NFATC2: variants seen among roughly 807,000 people sequenced by gnomAD.
The protein encoded by NFATC2 is nuclear factor of activated T cells 2.
NFATC2 carries 22 observed loss-of-function variants against 87.3 expected under a neutral mutation model. The observed-to-expected ratio is 0.25, with a 90% CI of 0.18 to 0.36. The LOEUF (loss-of-function observed/expected upper bound fraction) is 0.36, where lower values mean the gene tolerates loss of function less well. NFATC2 is among the 10% of genes least tolerant of loss of function. The pLI, the probability that NFATC2 is intolerant of heterozygous loss-of-function variation, is 1.00. For synonymous variants in NFATC2, 565 were observed against 542.2 expected, an observed-to-expected ratio of 1.04 and a Z score of -0.58; for missense variants, 1,149 against 1,259.1, an observed-to-expected ratio of 0.91 and a Z score of 1.32.
chr20:51,475,696 G>T, intron 3 of NFATC2, 36 bp from the exon 4 acceptor site: 1 of 1,605,068 alleles, frequency 6.2e-7, no homozygotes, highest in Non-Finnish European at 8.5e-7. Flanking sequence ...TAAGGTGCGG[G>T]GTGTGGTGGC....
At chr20:51,543,133 G>A (rs369188591), upstream of NFATC2, among the ~76,000 whole-genome samples, 4 of 152,272 alleles carry the variant, frequency 2.6e-5, no homozygotes, top group African/African-American at 7.2e-5. Context: ...GTGCCCACGG[G>A]GGCGGCATGA....
Position 51,512,352 on chromosome 20 carries a change from C to T in NFATC2, c.1332+4432G>A, listed in dbSNP as rs6021261. Among the ~76,000 whole-genome samples the T allele has an allele frequency of 1.7e-3, 252 of 152,234 alleles. 2 individuals are homozygous for T. The highest frequency in any genetic ancestry group is 5.8e-3 in the African/African-American group (241 of 41,530). On this transcript the variant is annotated intron_variant, in intron 3 of 10. Transcript: ENST00000371564. ...TCCCCTCCAAGTGGCCGCCATCTGG[C>T]CTCTCAGGCCTCCCTGACCAACTCA... is the stretch of plus-strand genomic sequence containing the variant.
intron 5 of NFATC2, among the ~76,000 whole-genome samples, chr20:51,470,657 A>G (rs955415940): frequency 1.3e-5 from 2 of 152,194 alleles, no homozygotes; most frequent in African/African-American, 4.8e-5. Flanking sequence ...CTTAGTCAGT[A>G]TACACTGTCT....
At chr20:51,452,884 T>C (rs1985975171) in intron 6 of NFATC2, 1 of 154,748 alleles carries the variant, frequency 6.5e-6, no homozygotes, top group African/African-American at 2.4e-5. Flanking sequence ...TTTCAGGGGA[T>C]AGATGATGGA....
chr20:51,452,641 C>T (rs918954294), intron 6 of NFATC2, among the ~76,000 whole-genome samples: 1 of 152,174 alleles, frequency 6.6e-6, no homozygotes, highest in Non-Finnish European at 1.5e-5. Flanking sequence ...CCTCCCTGCC[C>T]AACCTCATCC....
intron 1 of NFATC2, among the ~76,000 whole-genome samples, chr20:51,560,524 C>G (rs1364593375): frequency 6.6e-6 from 1 of 152,216 alleles, no homozygotes; most frequent in African/African-American, 2.4e-5. Flanking sequence ...TTTCTCTTCT[C>G]TATTTAACGA....
At chr20:51,520,464 G>T (rs1006230692) in intron 2 of NFATC2, among the ~76,000 whole-genome samples, 1 of 147,066 alleles carries the variant, frequency 6.8e-6, no homozygotes, top group African/African-American at 2.5e-5. Context: ...GTCCATTTCC[G>T]TGTGGTACGG....
chr20:51,475,702 G>A (rs1189580548), intron 3 of NFATC2, 42 bp from the exon 4 acceptor site: 3 of 1,598,304 alleles, frequency 1.9e-6, no homozygotes, highest in East Asian at 2.2e-5. Flanking sequence ...GCGGGGTGTG[G>A]TGGCTCTAAT....
chr20:51,522,874 C>T (rs960795488), intron 2 of NFATC2, among the ~76,000 whole-genome samples: 1 of 152,188 alleles, frequency 6.6e-6, no homozygotes, highest in Non-Finnish European at 1.5e-5. Context: ...GTCAGGTACA[C>T]GAATTATACC....
At chr20:51,459,275 T>A (rs929978403) in intron 5 of NFATC2, among the ~76,000 whole-genome samples, 6 of 152,110 alleles carry the variant, frequency 3.9e-5, no homozygotes, top group Non-Finnish European at 8.8e-5. Context: ...CTTGAAACCA[T>A]TAAGTGAAGT....
intron 3 of NFATC2, among the ~76,000 whole-genome samples, chr20:51,493,822 G>C (rs561617741): frequency 2.0e-5 from 3 of 152,208 alleles, no homozygotes; most frequent in African/African-American, 7.2e-5. Context: ...GGCATCAAAC[G>C]CTTAGCAAAG....
intron 10 of NFATC2, among the ~76,000 whole-genome samples, chr20:51,391,818 A>G (rs1379447370): frequency 6.6e-6 from 1 of 151,488 alleles, no homozygotes; most frequent in Non-Finnish European, 1.5e-5. Context: ...GCCCATCTCT[A>G]TTTTTTTTAA....
chr20:51,403,028 G>A (rs988335085), intron 9 of NFATC2, among the ~76,000 whole-genome samples: 2 of 152,070 alleles, frequency 1.3e-5, no homozygotes, highest in Non-Finnish European at 2.9e-5. Context: ...CACAGCACAG[G>A]CCCAACATGG....
rs561286393 is a variant in NFATC2, at chr20:51,396,973, C to T, written c.*44+1670G>A. On this transcript the variant is annotated intron_variant, in intron 10 of 10. Coordinates refer to ENST00000371564, the MANE Select transcript of NFATC2 (RefSeq NM_012340.5). ...CGTCACACAGGCTGGAGTGCAGTGG[C>T]GCCATCTCGGCTCATCTCCGCCTCC... 3.9e-5 allele frequency among the ~76,000 whole-genome samples: 6 copies of T among 152,194 alleles called. No individual in the cohort carries two copies. In the East Asian group the frequency reaches 7.7e-4, roughly 20 times the overall value.
chr20:51,460,709 G>T lies in NFATC2; in HGVS notation c.1709-6021C>A, dbSNP rs530494810. Among the ~76,000 whole-genome samples the T allele has an allele frequency of 2.6e-5, 4 of 151,606 alleles. No homozygotes were observed. In the South Asian group the frequency reaches 8.4e-4, roughly 32 times the overall value. On this transcript the variant is annotated intron_variant, in intron 5 of 10. Coordinates refer to ENST00000371564, the MANE Select transcript of NFATC2 (RefSeq NM_012340.5). ...GCTGATCTCAAACACCTGAGCTCAGGCGATCCGCACGCCTCGCCCTCCCAA... is the reference window on the plus strand; with the variant it reads ...GCTGATCTCAAACACCTGAGCTCAGTCGATCCGCACGCCTCGCCCTCCCAA...
chr20:51,446,320 G>C lies in NFATC2; in HGVS notation c.1849+8228C>G, dbSNP rs944124818. Among the ~76,000 whole-genome samples the C allele has an allele frequency of 2.0e-5, 3 of 152,332 alleles. 1 individual carries two copies. In the South Asian group the frequency reaches 6.2e-4, roughly 32 times the overall value. On this transcript the variant is annotated intron_variant, in intron 6 of 10. Coordinates refer to ENST00000371564, the MANE Select transcript of NFATC2 (RefSeq NM_012340.5). ...CTCCCAGAGTGCAGGTAGAAGGGCAGCTGATGTTTTCTGAGCACCTACTAT... is the reference window on the plus strand; with the variant it reads ...CTCCCAGAGTGCAGGTAGAAGGGCACCTGATGTTTTCTGAGCACCTACTAT...
chr20:51,396,049 TA>T (rs1987055813), intron 10 of NFATC2, among the ~76,000 whole-genome samples: 1 of 5,260 alleles, frequency 1.9e-4, no homozygotes, highest in African/African-American at 2.0e-3. Context: ...TATATATATA[TA>T]TATATATATA....
At chr20:51,470,321 C>T (rs1430655520) in intron 5 of NFATC2, among the ~76,000 whole-genome samples, 1 of 152,106 alleles carries the variant, frequency 6.6e-6, no homozygotes, top group Non-Finnish European at 1.5e-5. Flanking sequence ...GAAGGATCTC[C>T]TCGGCAATGC....
upstream of NFATC2, among the ~76,000 whole-genome samples, chr20:51,545,249 A>C: frequency 6.6e-6 from 1 of 152,214 alleles, no homozygotes; most frequent in Admixed American, 6.5e-5. Flanking sequence ...AAGTGCCACT[A>C]AATCTAGTGG....
Sources: gnomAD v4.1 joint callset for allele counts (sites outside exome capture counted in the v4.1 genomes callset) on GRCh38, gnomAD v4.1.1 for gene constraint, MANE v1.5 for transcripts, NCBI Gene and HGNC (gene_info 2026-07-23, HGNC 2026-07-21) for gene names.